SELENOT: variants seen among roughly 807,000 people sequenced by gnomAD.
SELENOT encodes the protein thioredoxin reductase-like selenoprotein T.
SELENOT carries 9 observed loss-of-function variants against 24.3 expected under a neutral mutation model. The ratio of observed to expected loss-of-function variants is 0.37; its 90% CI spans 0.22 to 0.65. SELENOT has a LOEUF of 0.65. Ranked by LOEUF, SELENOT falls within the 30% of genes least tolerant of loss-of-function variation. The probability of loss-of-function intolerance (pLI) is 0.60; values close to 1 mark genes in which losing one functional copy is unlikely to be tolerated. For synonymous variants in SELENOT, 81 were observed against 86.0 expected (o/e 0.94, Z 0.32); for missense variants, 166 against 247.6 (o/e 0.67, Z 2.21).
intron 2 of SELENOT, 22 bp from the exon 3 acceptor site, chr3:150,623,019 ATT>A: frequency 6.7e-7 from 1 of 1,495,670 alleles, no homozygotes; most frequent in Non-Finnish European, 8.9e-7. Flanking sequence ...GCTTCTGATG[ATT>A]TTCTTTCTTT....
At chr3:150,605,497 T>C (rs1725942858) in intron 1 of SELENOT, among the ~76,000 whole-genome samples, 1 of 152,168 alleles carries the variant, frequency 6.6e-6, no homozygotes, top group Non-Finnish European at 1.5e-5. Context: ...ACTTTGTTTT[T>C]CTTTGTTTTT....
At chr3:150,617,349 C>G (rs1726240025) in intron 1 of SELENOT, among the ~76,000 whole-genome samples, 1 of 152,006 alleles carries the variant, frequency 6.6e-6, no homozygotes, top group African/African-American at 2.4e-5. Context: ...GCCTATAATC[C>G]TAGCACTTTG....
intron 1 of SELENOT, among the ~76,000 whole-genome samples, chr3:150,613,941 C>T (rs963465306): frequency 2.0e-5 from 3 of 151,692 alleles, no homozygotes; most frequent in Admixed American, 6.6e-5. Flanking sequence ...AGTGAAGCCA[C>T]CCTGGCCACA....
chr3:150,626,591 C>T (rs2108015679), intron 4 of SELENOT, among the ~76,000 whole-genome samples: 1 of 152,246 alleles, frequency 6.6e-6, no homozygotes, highest in South Asian at 2.1e-4. Context: ...TGCTGATTTT[C>T]TCTTATTTTC....
Position 150,603,325 on chromosome 3 carries a change from T to C in SELENOT, c.-38T>C, listed in dbSNP as rs1012600971. 1 of 1,592,868 alleles carries C rather than the reference T, an allele frequency of 6.3e-7. No homozygotes were observed. Among genetic ancestry groups the C allele is most frequent in the African/African-American group, 1.3e-5 (1 of 74,570 alleles). ...CTCCTGGGCTTTGGGCTGGCTGCAGTCTGTCTGAGGGCGGCCGAAGTGGCT... is the reference window on the plus strand; with the variant it reads ...CTCCTGGGCTTTGGGCTGGCTGCAGCCTGTCTGAGGGCGGCCGAAGTGGCT... On this transcript the variant is annotated 5_prime_UTR_variant, in exon 1 of 6. Transcript: ENST00000471696.
At chr3:150,605,382 C>T (rs537346585) in intron 1 of SELENOT, among the ~76,000 whole-genome samples, 68 of 152,000 alleles carry the variant, frequency 4.5e-4, no homozygotes, top group Non-Finnish European at 8.4e-4. Flanking sequence ...CAAGGCTATT[C>T]ATAGCAAGGT....
chr3:150,604,431 A>C (rs2108002442), intron 1 of SELENOT, among the ~76,000 whole-genome samples: 1 of 152,340 alleles, frequency 6.6e-6, no homozygotes, highest in East Asian at 1.9e-4. Flanking sequence ...ACCTCCAAAG[A>C]TGACATTTTC....
chr3:150,603,591 C>G (rs1019172206), intron 1 of SELENOT, 92 bp downstream of exon 1: 5 of 1,368,958 alleles, frequency 3.7e-6, no homozygotes, highest in Non-Finnish European at 4.9e-6. Context: ...CCTAAATGGC[C>G]GCATCTTCGC....
intron 3 of SELENOT, among the ~76,000 whole-genome samples, chr3:150,624,173 C>A (rs1176487756): frequency 6.6e-6 from 1 of 152,112 alleles, no homozygotes; most frequent in Non-Finnish European, 1.5e-5. Context: ...TAAAAACAAA[C>A]CCCACCTAGC....
chr3:150,611,655 C>A (rs1010577684), intron 1 of SELENOT: 1 of 1,598,066 alleles, frequency 6.3e-7, no homozygotes, highest in East Asian at 2.2e-5. Flanking sequence ...CTTCTGGATC[C>A]TCTTGCTGAA....
At chr3:150,627,292 A>AT (rs1726466741) in intron 5 of SELENOT, 129 bp downstream of exon 5, 1 of 728,994 alleles carries the variant, frequency 1.4e-6, no homozygotes, top group African/African-American at 1.8e-5. Flanking sequence ...TGTATTCTTC[A>AT]TTAAAATGTT....
chr3:150,604,757 C>T (rs1576528614), intron 1 of SELENOT, among the ~76,000 whole-genome samples: 1 of 152,298 alleles, frequency 6.6e-6, no homozygotes. Context: ...ACAAACAAGG[C>T]CGGGCTCGCT....
At chr3:150,610,270 T>G (rs1726059887) in intron 1 of SELENOT, among the ~76,000 whole-genome samples, 1 of 152,254 alleles carries the variant, frequency 6.6e-6, no homozygotes, top group Non-Finnish European at 1.5e-5. Context: ...AGGTACCCTT[T>G]TCTTTTCATT....
Position 150,622,506 on chromosome 3 carries a change from T to G in SELENOT, c.248+11T>G. On this transcript the variant is annotated intron_variant, in intron 2 of 5. Transcript: ENST00000471696. ...TCAACCAATATATAGGTAAGAAATT[T>G]TAATAACTTAAAAGGAAAACAATGT... 7.8e-7 allele frequency: 1 copy of G among 1,289,486 alleles called. No homozygotes were observed. The highest frequency in any genetic ancestry group is 1.1e-6 in the Non-Finnish European group (1 of 949,446). The allele number at this position is 1,289,486 out of a possible 1,614,324, so 79.9% of individuals were successfully genotyped here. A position where few individuals can be genotyped will look rare whatever the true frequency, so the allele number is the denominator to read the frequency against.
At chr3:150,620,850 A>G (rs1247321493) in intron 1 of SELENOT, among the ~76,000 whole-genome samples, 1 of 152,226 alleles carries the variant, frequency 6.6e-6, no homozygotes, top group African/African-American at 2.4e-5. Flanking sequence ...GCAATATTAA[A>G]CATTTTTTTA....
intron 2 of SELENOT, 66 bp downstream of exon 2, chr3:150,622,561 T>C: frequency 1.5e-6 from 1 of 674,020 alleles, no homozygotes; most frequent in Non-Finnish European, 2.3e-6. Flanking sequence ...TGTGAATTGG[T>C]TTAATTAGCT....
intron 1 of SELENOT, chr3:150,618,892 G>A (rs867188465): frequency 2.0e-5 from 3 of 152,072 alleles, no homozygotes; most frequent in African/African-American, 4.8e-5. Context: ...CTGTATTTTC[G>A]AAATTTCCTT....
chr3:150,611,264 G>A, intron 1 of SELENOT: 3 of 1,241,440 alleles, frequency 2.4e-6, no homozygotes, highest in Non-Finnish European at 1.2e-6. Context: ...CACATCTAGT[G>A]AACACCACTA....
chr3:150,622,705 A>C (rs1182873543), intron 2 of SELENOT, among the ~76,000 whole-genome samples: 1 of 152,074 alleles, frequency 6.6e-6, no homozygotes, highest in Non-Finnish European at 1.5e-5. Context: ...CAGAGATGGC[A>C]ACCCTTCTAA....
Sources: gnomAD v4.1 joint callset for allele counts (sites outside exome capture counted in the v4.1 genomes callset) on GRCh38, gnomAD v4.1.1 for gene constraint, MANE v1.5 for transcripts, NCBI Gene and HGNC (gene_info 2026-07-23, HGNC 2026-07-21) for gene names.